Variants in FOCAD observed in about 807,000 individuals in gnomAD.
FOCAD encodes the protein KIAA1797.
A neutral mutation model predicts 225.6 loss-of-function variants in FOCAD; 198 were observed. The ratio of observed to expected loss-of-function variants is 0.88; its 90% CI spans 0.78 to 0.99. The LOEUF is 0.99. FOCAD is among the 50% of genes least tolerant of loss of function. The probability of loss-of-function intolerance (pLI) is 0.00; values close to 1 mark genes in which losing one functional copy is unlikely to be tolerated. For synonymous variants in FOCAD, 897 were observed against 755.0 expected (o/e 1.19, Z -3.08); for missense variants, 2,713 against 2,123.6 (o/e 1.28, Z -5.46).
At chr9:20,898,581 G>T (rs1410798258) in intron 21 of FOCAD, among the ~76,000 whole-genome samples, 1 of 151,554 alleles carries the variant, frequency 6.6e-6, no homozygotes, top group Non-Finnish European at 1.5e-5. Flanking sequence ...TTATTATTTT[G>T]GTTTTTATAT....
intron 15 of FOCAD, among the ~76,000 whole-genome samples, chr9:20,856,752 T>G (rs900779476): frequency 7.2e-5 from 11 of 152,124 alleles, no homozygotes; most frequent in African/African-American, 2.7e-4. Context: ...TAATCCATTT[T>G]GATTTGATTT....
intron 8 of FOCAD, among the ~76,000 whole-genome samples, chr9:20,776,964 A>G (rs1047288988): frequency 1.8e-4 from 27 of 152,222 alleles, no homozygotes; most frequent in African/African-American, 5.8e-4. Context: ...ATTATCCTCA[A>G]ATAGATAAGA....
At chr9:20,924,426 T>C (rs778054048) in intron 25 of FOCAD, among the ~76,000 whole-genome samples, 1 of 152,216 alleles carries the variant, frequency 6.6e-6, no homozygotes, top group Non-Finnish European at 1.5e-5. Context: ...TATGGCCTAT[T>C]TGTAGCAATT....
intron 2 of FOCAD, among the ~76,000 whole-genome samples, chr9:20,675,904 A>T (rs979076088): frequency 6.6e-6 from 1 of 152,230 alleles, no homozygotes; most frequent in Admixed American, 6.5e-5. Context: ...TTATTCAAGG[A>T]GTCAACGCTG....
In FOCAD at chr9:20,963,271, A is replaced by G. The variant is rs77302759; in HGVS notation, c.4132+10206A>G. ...AATTTTCTTTGTTGCTGACACTTGC[A>G]TGTATATTAGGTCAATTCTAGCGAA... On this transcript the variant is annotated intron_variant, in intron 35 of 43. Transcript: ENST00000338382. Among the ~76,000 whole-genome samples, 1,018 of 152,320 alleles carry G rather than the reference A, an allele frequency of 6.7e-3. 12 individuals are homozygous for G. The highest frequency in any genetic ancestry group is 0.023 in the African/African-American group (963 of 41,570).
chr9:20,789,782 G>A (rs1820333946), intron 11 of FOCAD, among the ~76,000 whole-genome samples, 174 bp downstream of exon 11: 1 of 149,632 alleles, frequency 6.7e-6, no homozygotes, highest in African/African-American at 2.5e-5. Flanking sequence ...CTTACTCTGA[G>A]TTGATGTATA....
intron 27 of FOCAD, 111 bp from the exon 28 acceptor site, chr9:20,932,903 G>T: frequency 5.5e-6 from 4 of 721,610 alleles, no homozygotes; most frequent in African/African-American, 1.8e-5. Context: ...TTTTTTTTAA[G>T]AGAAATGCTG....
At chr9:20,902,314 C>T (rs10511690) in intron 21 of FOCAD, among the ~76,000 whole-genome samples, 2,087 of 151,924 alleles carry the variant, frequency 0.014, 53 homozygotes, top group African/African-American at 0.047. Flanking sequence ...GAAAATCGGT[C>T]ATTCAAGGAA....
chr9:20,766,896 A>G (rs1264958601), intron 7 of FOCAD, among the ~76,000 whole-genome samples: 1 of 151,980 alleles, frequency 6.6e-6, no homozygotes, highest in African/African-American at 2.4e-5. Flanking sequence ...ACATATGTAT[A>G]CATGTGCCAT....
At chr9:20,850,115 TA>T (rs1416986174) in intron 15 of FOCAD, among the ~76,000 whole-genome samples, 1 of 151,644 alleles carries the variant, frequency 6.6e-6, no homozygotes, top group Non-Finnish European at 1.5e-5. Context: ...ACTCAAAATT[TA>T]AAAAAACTCT....
chr9:20,940,039 G>T (rs1450094184), intron 28 of FOCAD, among the ~76,000 whole-genome samples: 5 of 152,008 alleles, frequency 3.3e-5, no homozygotes, highest in African/African-American at 1.2e-4. Context: ...CTATGACTGA[G>T]AACATGCTGC....
intron 4 of FOCAD, among the ~76,000 whole-genome samples, chr9:20,732,540 T>C (rs1231244459): frequency 1.3e-5 from 2 of 152,188 alleles, no homozygotes; most frequent in Non-Finnish European, 2.9e-5. Flanking sequence ...AGCGCATGAT[T>C]GACAATCTTG....
intron 10 of FOCAD, among the ~76,000 whole-genome samples, chr9:20,788,223 A>T (rs1820138153): frequency 6.6e-6 from 1 of 152,360 alleles, no homozygotes; most frequent in Non-Finnish European, 1.5e-5. Flanking sequence ...AAAGGACCAC[A>T]TATTATGTGT....
intron 21 of FOCAD, among the ~76,000 whole-genome samples, chr9:20,894,144 A>G (rs114861824): frequency 0.026 from 3,990 of 152,150 alleles, 62 homozygotes; most frequent in Middle Eastern, 0.041. Flanking sequence ...TAGATTTTTC[A>G]GACTGGCTGA....
chr9:20,779,727 G>T (rs962215607), intron 9 of FOCAD, among the ~76,000 whole-genome samples: 6 of 151,366 alleles, frequency 4.0e-5, no homozygotes, highest in Admixed American at 3.3e-4. Context: ...TCCAGCTTGG[G>T]CAACAAGAGC....
chr9:20,926,057 A>G (rs1162085264), intron 25 of FOCAD, among the ~76,000 whole-genome samples: 3 of 152,148 alleles, frequency 2.0e-5, no homozygotes, highest in Admixed American at 6.6e-5. Context: ...TGCAGCATCT[A>G]TCCTCTTCTG....
chr9:20,861,065 C>G (rs1828732045), intron 15 of FOCAD, among the ~76,000 whole-genome samples: 2 of 152,138 alleles, frequency 1.3e-5, no homozygotes, highest in African/African-American at 4.8e-5. Flanking sequence ...AATCTCTTCT[C>G]AGGTCTTATC....
At chr9:20,785,533 A>G (rs1385556536) in intron 10 of FOCAD, among the ~76,000 whole-genome samples, 5 of 151,868 alleles carry the variant, frequency 3.3e-5, no homozygotes, top group African/African-American at 7.3e-5. Flanking sequence ...GGCTTTTTTC[A>G]CTTAGTATAA....
chr9:20,737,699 C>T (rs1157711115), intron 4 of FOCAD, among the ~76,000 whole-genome samples: 1 of 152,196 alleles, frequency 6.6e-6, no homozygotes, highest in Non-Finnish European at 1.5e-5. Context: ...CAGAATGGCT[C>T]ACCCAATTAG....
Sources: allele counts gnomAD v4.1 joint callset (sites outside exome capture counted in the v4.1 genomes callset), GRCh38; gene constraint gnomAD v4.1.1; transcripts MANE v1.5; gene names NCBI Gene and HGNC (gene_info 2026-07-23, HGNC 2026-07-21).